The following GAB2 variants were observed in gnomAD, a reference collection of about 807,000 sequenced individuals.
GAB2 encodes the protein GRB2 associated binding protein 2.
Under a neutral mutation model 65.5 loss-of-function variants are expected in GAB2, and 26 were observed. The observed-to-expected ratio is 0.40, with a 90% CI of 0.29 to 0.55. GAB2 has a LOEUF of 0.55. GAB2 is among the 20% of genes least tolerant of loss of function. GAB2 has a pLI of 0.53. For synonymous variants in GAB2, 321 were observed against 329.6 expected, an observed-to-expected ratio of 0.97 and a Z score of 0.28; for missense variants, 884 against 875.8, an observed-to-expected ratio of 1.01 and a Z score of -0.12.
chr11:78,417,304 C>A lies in GAB2; in HGVS notation c.75+342G>T, dbSNP rs1207516848. On this transcript the variant is annotated intron_variant, in intron 1 of 9. Transcript: ENST00000361507. ...GAAGCTGCTCGGGGCTGCCGCGGAG[C>A]CCCAGCCCCGAGAGTCAACTCTCTC... is the stretch of plus-strand genomic sequence containing the variant. Among the ~76,000 whole-genome samples, 22 of 151,988 alleles carry A rather than the reference C, an allele frequency of 1.4e-4. No homozygotes were observed. The East Asian group carries it at 4.3e-3, about 30-fold the overall frequency.
At chr11:78,401,973 C>T (rs556943296) in intron 1 of GAB2, among the ~76,000 whole-genome samples, 8 of 152,288 alleles carry the variant, frequency 5.3e-5, no homozygotes, top group African/African-American at 1.7e-4. Context: ...TATTTAAATA[C>T]TCAAATAATC....
chr11:78,391,886 C>T (rs1056191333), intron 1 of GAB2, among the ~76,000 whole-genome samples: 1 of 152,092 alleles, frequency 6.6e-6, no homozygotes. Flanking sequence ...AAAGATGTAT[C>T]GTGAAGCCAA....
chr11:78,219,726 C>T (rs1864324718), intron 9 of GAB2, among the ~76,000 whole-genome samples: 1 of 152,174 alleles, frequency 6.6e-6, no homozygotes, highest in Non-Finnish European at 1.5e-5. Flanking sequence ...TCTGCCTCCA[C>T]CCATCTCTGT....
At chr11:78,322,482 T>C (rs944672059) in intron 1 of GAB2, among the ~76,000 whole-genome samples, 4 of 151,786 alleles carry the variant, frequency 2.6e-5, no homozygotes, top group African/African-American at 9.7e-5. Flanking sequence ...GAAGAGCTTG[T>C]ACACAGCAAA....
At chr11:78,340,394 T>C (rs1856071817) in intron 1 of GAB2, among the ~76,000 whole-genome samples, 1 of 152,182 alleles carries the variant, frequency 6.6e-6, no homozygotes, top group African/African-American at 2.4e-5. Context: ...AGTGACAAGA[T>C]GCCTTTATTC....
chr11:78,323,515 T>C (rs908148897), intron 1 of GAB2, among the ~76,000 whole-genome samples: 9 of 151,490 alleles, frequency 5.9e-5, no homozygotes, highest in Middle Eastern at 3.2e-3. Context: ...GTCTCCCCAA[T>C]TCAAAAAAAA....
chr11:78,360,776 T>C (rs1179090118), intron 1 of GAB2, among the ~76,000 whole-genome samples: 1 of 152,116 alleles, frequency 6.6e-6, no homozygotes, highest in East Asian at 1.9e-4. Flanking sequence ...GGAGAATCGC[T>C]TGAACTTAGG....
intron 1 of GAB2, among the ~76,000 whole-genome samples, chr11:78,313,202 T>C (rs1257394292): frequency 5.3e-5 from 8 of 152,128 alleles, no homozygotes; most frequent in African/African-American, 9.7e-5. Context: ...GCTTTTTTTT[T>C]CCCAGCACTT....
chr11:78,354,122 C>A (rs749638953), intron 1 of GAB2, among the ~76,000 whole-genome samples: 4 of 152,154 alleles, frequency 2.6e-5, no homozygotes, highest in Non-Finnish European at 4.4e-5. Context: ...ACCTTGGGCC[C>A]AGCAGGTGCT....
At chr11:78,292,645 C>A (rs374774521) in intron 1 of GAB2, among the ~76,000 whole-genome samples, 2 of 152,156 alleles carry the variant, frequency 1.3e-5, no homozygotes, top group East Asian at 3.8e-4. Flanking sequence ...TAACAGCAAA[C>A]ATTACAAGAG....
intron 2 of GAB2, among the ~76,000 whole-genome samples, chr11:78,280,254 TC>T (rs1180168408): frequency 6.6e-6 from 1 of 152,042 alleles, no homozygotes; most frequent in Admixed American, 6.6e-5. Context: ...GGTGAGACCT[TC>T]CCTATGGGAT....
intron 1 of GAB2, among the ~76,000 whole-genome samples, chr11:78,306,239 CA>C (rs1182224279): frequency 6.6e-6 from 1 of 151,994 alleles, no homozygotes; most frequent in Non-Finnish European, 1.5e-5. Context: ...TTTATTTATT[CA>C]TTTTTTTTGA....
intron 3 of GAB2, among the ~76,000 whole-genome samples, chr11:78,245,490 C>T (rs1865270213): frequency 6.6e-6 from 1 of 152,120 alleles, no homozygotes; most frequent in African/African-American, 2.4e-5. Context: ...AGCAAAATCT[C>T]TCTCAAAACT....
intron 1 of GAB2, among the ~76,000 whole-genome samples, chr11:78,368,750 A>C (rs986192730): frequency 6.6e-6 from 1 of 152,020 alleles, no homozygotes; most frequent in Non-Finnish European, 1.5e-5. Flanking sequence ...ATAGGTTTAA[A>C]TCTTCAACTT....
chr11:78,368,436 A>G (rs150051249), intron 1 of GAB2, among the ~76,000 whole-genome samples: 11 of 152,368 alleles, frequency 7.2e-5, no homozygotes, highest in African/African-American at 2.4e-4. Context: ...AAAATTTCCT[A>G]TAGTTAAATC....
intron 1 of GAB2, among the ~76,000 whole-genome samples, chr11:78,399,150 A>AT (rs1856939005): frequency 6.6e-6 from 1 of 152,226 alleles, no homozygotes; most frequent in African/African-American, 2.4e-5. Context: ...GTTGTAAAGA[A>AT]TATCAGCGAC....
At chr11:78,313,654 T>C (rs977118384) in intron 1 of GAB2, among the ~76,000 whole-genome samples, 2 of 152,238 alleles carry the variant, frequency 1.3e-5, no homozygotes, top group African/African-American at 4.8e-5. Flanking sequence ...CTATGGGGCA[T>C]GTGCCAAGCT....
intron 1 of GAB2, among the ~76,000 whole-genome samples, chr11:78,310,467 C>T (rs1218013431): frequency 6.9e-6 from 1 of 144,952 alleles, no homozygotes; most frequent in Non-Finnish European, 1.5e-5. Context: ...GAGCCAAGAT[C>T]GTGCCACTTG....
rs1430644052 is a variant in GAB2 at position 78,417,642 on chromosome 11, T to A, written c.75+4A>T. On this transcript the variant is annotated splice_donor_region_variant and intron_variant, in intron 1 of 9. Coordinates refer to ENST00000361507, the MANE Select transcript of GAB2 (RefSeq NM_080491.3). ...CGCCCCTGGGCGGCCGCGCCCGCAC[T>A]CACATAGCGCCTCAACTTCTTCTCG... is the stretch of plus-strand genomic sequence containing the variant. The A allele has an allele frequency of 5.2e-6, 7 of 1,346,436 alleles. No homozygotes were observed. The highest frequency in any genetic ancestry group is 5.9e-6 in the Non-Finnish European group (6 of 1,023,850). The allele number at this position is 1,346,436 out of a possible 1,614,324, so 83.4% of individuals were successfully genotyped here.
Sources: allele counts gnomAD v4.1 joint callset (sites outside exome capture counted in the v4.1 genomes callset), GRCh38; gene constraint gnomAD v4.1.1; transcripts MANE v1.5; gene names NCBI Gene and HGNC (gene_info 2026-07-23, HGNC 2026-07-21).